STK39: variants seen among roughly 807,000 people sequenced by gnomAD.
The protein encoded by STK39 is STE20/SPS1-related proline-alanine-rich protein kinase.
A neutral mutation model predicts 77.8 loss-of-function variants in STK39; 20 were observed. The observed-to-expected ratio is 0.26, with a 90% confidence interval of 0.18 to 0.37. STK39 has a LOEUF of 0.37. Ranked by LOEUF, STK39 falls within the 10% of genes least tolerant of loss-of-function variation. The pLI is 1.00. For synonymous variants in STK39, 246 were observed against 234.1 expected, an observed-to-expected ratio of 1.05 and a Z score of -0.47; for missense variants, 479 against 656.5, an observed-to-expected ratio of 0.73 and a Z score of 2.95.
chr2:168,181,098 CATT>C (rs1287909693), intron 2 of STK39, among the ~76,000 whole-genome samples: 2 of 152,164 alleles, frequency 1.3e-5, no homozygotes, highest in Admixed American at 6.5e-5. Context: ...AGCCAACTGT[CATT>C]ATACTTTGTA....
In STK39 at chr2:168,048,503, CGCCCGGCCCG is replaced by C. The variant is rs34876128; in HGVS notation, c.1376+14987_1376+14996del. On this transcript the variant is annotated intron_variant, in intron 14 of 17. Coordinates refer to ENST00000355999, the MANE Select transcript of STK39 (RefSeq NM_013233.3). ...CTGGGATTACAGGTGTGAGCCACCG[CGCCCGGCCCG>C]GCCCGGCCTATGCTTTTTAAGTTCA... Among the ~76,000 whole-genome samples the C allele has an allele frequency of 5.3e-5, 8 of 150,500 alleles. No homozygotes were observed. In the South Asian group the frequency reaches 8.4e-4, roughly 16 times the overall value.
chr2:168,043,904 A>G (rs944569089), intron 14 of STK39, among the ~76,000 whole-genome samples: 3 of 152,064 alleles, frequency 2.0e-5, no homozygotes, highest in African/African-American at 7.2e-5. Flanking sequence ...ATCTCTTTAT[A>G]TAAAATAATT....
At chr2:168,241,465 T>C (rs1690755699) in intron 1 of STK39, among the ~76,000 whole-genome samples, 1 of 152,182 alleles carries the variant, frequency 6.6e-6, no homozygotes, top group Non-Finnish European at 1.5e-5. Flanking sequence ...AGAGGGCCAT[T>C]TGGCACCTAA....
intron 14 of STK39, among the ~76,000 whole-genome samples, chr2:168,047,169 TCTTAGCTACTTGGATATTG>T (rs1685266840): frequency 6.6e-6 from 1 of 152,216 alleles, no homozygotes; most frequent in Non-Finnish European, 1.5e-5. Context: ...AAAAGATTCT[TCTTAGCTACTTGGATATTG>T]CTAAAAATAC....
At chr2:168,128,705 G>C (rs935830428) in intron 10 of STK39, among the ~76,000 whole-genome samples, 11 of 152,196 alleles carry the variant, frequency 7.2e-5, no homozygotes, top group African/African-American at 2.7e-4. Context: ...ATTCAGCTAT[G>C]TATACCTTGG....
At chr2:168,108,871 A>G (rs1687049569) in intron 10 of STK39, among the ~76,000 whole-genome samples, 1 of 152,240 alleles carries the variant, frequency 6.6e-6, no homozygotes. Flanking sequence ...TCATGCTTTA[A>G]GAAAAAGACA....
intron 1 of STK39, among the ~76,000 whole-genome samples, chr2:168,232,867 G>A (rs1474800157): frequency 2.6e-5 from 4 of 151,928 alleles, no homozygotes; most frequent in South Asian, 2.1e-4. Context: ...AGCCGAGATC[G>A]CGCCATTGCA....
chr2:167,982,427 G>A (rs1574364757), intron 16 of STK39, among the ~76,000 whole-genome samples: 1 of 152,174 alleles, frequency 6.6e-6, no homozygotes, highest in Non-Finnish European at 1.5e-5. Context: ...GGCTGACGAA[G>A]CATCAGAATC....
chr2:168,140,549 C>T, intron 6 of STK39, 100 bp downstream of exon 6: 1 of 1,165,984 alleles, frequency 8.6e-7, no homozygotes, highest in Non-Finnish European at 1.3e-6. Context: ...TTACATTATG[C>T]ATTCTACTAA....
intron 2 of STK39, among the ~76,000 whole-genome samples, chr2:168,180,438 AT>A (rs59011586): frequency 2.2e-4 from 34 of 151,342 alleles, no homozygotes; most frequent in Admixed American, 8.6e-4. Flanking sequence ...CACACTCCAA[AT>A]TTTTTTTTTA....
chr2:168,179,275 C>T (rs1426405726), intron 2 of STK39, among the ~76,000 whole-genome samples: 1 of 152,156 alleles, frequency 6.6e-6, no homozygotes, highest in Non-Finnish European at 1.5e-5. Flanking sequence ...AATAAAAGTG[C>T]AAGCAACAGC....
intron 16 of STK39, among the ~76,000 whole-genome samples, chr2:167,977,351 G>T (rs746106391): frequency 2.0e-5 from 3 of 152,078 alleles, no homozygotes; most frequent in Non-Finnish European, 4.4e-5. Context: ...TGCTCATTTT[G>T]AAAGCAATGA....
At chr2:168,132,506 C>T (rs887332685) in intron 8 of STK39, among the ~76,000 whole-genome samples, 9 of 152,184 alleles carry the variant, frequency 5.9e-5, no homozygotes, top group East Asian at 5.8e-4. Flanking sequence ...TCCCCACACC[C>T]GCCGGAGATG....
At chr2:168,105,123 T>C (rs1356199353) in intron 10 of STK39, among the ~76,000 whole-genome samples, 1 of 152,230 alleles carries the variant, frequency 6.6e-6, no homozygotes, top group Non-Finnish European at 1.5e-5. Context: ...AAGAACAATT[T>C]CAAAAAGGTG....
At chr2:168,118,908 G>A (rs1687334148) in intron 10 of STK39, among the ~76,000 whole-genome samples, 2 of 152,082 alleles carry the variant, frequency 1.3e-5, no homozygotes, top group African/African-American at 4.8e-5. Context: ...TAACTAAAAA[G>A]CAAAGAATTT....
At chr2:168,208,783 T>C (rs1308758444) in intron 1 of STK39, among the ~76,000 whole-genome samples, 1 of 152,232 alleles carries the variant, frequency 6.6e-6, no homozygotes, top group Admixed American at 6.5e-5. Context: ...GGGAAGCCCC[T>C]GAGCAGTGCT....
rs141341591 is a variant in STK39, at chr2:168,017,105, A to G, written c.1377-10T>C. The G allele has an allele frequency of 1.6e-3, 2,501 of 1,587,498 alleles. 37 individuals are homozygous for G. In the African/African-American group the frequency reaches 0.029, roughly 19 times the overall value. ...TTCCTTTCTGGAGTTTCTGAAATACATAACATATAATACATTAAAGTCTAG... is the reference window on the plus strand; with the variant it reads ...TTCCTTTCTGGAGTTTCTGAAATACGTAACATATAATACATTAAAGTCTAG... On this transcript the variant is annotated splice_polypyrimidine_tract_variant and intron_variant, in intron 14 of 17. Coordinates refer to ENST00000355999, the MANE Select transcript of STK39 (RefSeq NM_013233.3).
At chr2:168,123,011 C>T (rs904920202) in intron 10 of STK39, among the ~76,000 whole-genome samples, 1 of 152,106 alleles carries the variant, frequency 6.6e-6, no homozygotes, top group Non-Finnish European at 1.5e-5. Flanking sequence ...GTGAACGTTG[C>T]CAGTAAAGGA....
At chr2:168,228,942 C>T (rs1690376214) in intron 1 of STK39, among the ~76,000 whole-genome samples, 1 of 152,172 alleles carries the variant, frequency 6.6e-6, no homozygotes, top group Admixed American at 6.5e-5. Flanking sequence ...CCAGACCTGT[C>T]TTCCAATGTA....
Sources: allele counts gnomAD v4.1 joint callset (sites outside exome capture counted in the v4.1 genomes callset), GRCh38; gene constraint gnomAD v4.1.1; transcripts MANE v1.5; gene names NCBI Gene and HGNC (gene_info 2026-07-23, HGNC 2026-07-21).